Variants in CTNNA3 observed in about 807,000 individuals in gnomAD.
The protein encoded by CTNNA3 is catenin alpha-3.
In CTNNA3, 76 loss-of-function variants were observed where a neutral mutation model predicts 95.7. The ratio of observed to expected loss-of-function variants is 0.79; its 90% CI spans 0.66 to 0.96. The LOEUF is 0.96. CTNNA3 is among the 40% of genes least tolerant of loss of function. The pLI is 0.00. For missense variants in CTNNA3, 1,191 were observed against 1,089.8 expected, an observed-to-expected ratio of 1.09 and a Z score of -1.31; for synonymous variants, 431 against 374.4, an observed-to-expected ratio of 1.15 and a Z score of -1.74.
chr10:66,025,526 A>G (rs1333328721), intron 15 of CTNNA3, among the ~76,000 whole-genome samples: 1 of 152,204 alleles, frequency 6.6e-6, no homozygotes, highest in African/African-American at 2.4e-5. Context: ...ATAAATTCAG[A>G]TAAATGTGTT....
chr10:66,475,378 T>C (rs1474473606), intron 11 of CTNNA3, among the ~76,000 whole-genome samples: 4 of 152,062 alleles, frequency 2.6e-5, no homozygotes, highest in Non-Finnish European at 5.9e-5. Flanking sequence ...TCTTGTACAT[T>C]TGTTTAAGTT....
At chr10:66,770,980 T>C (rs1840064781) in intron 8 of CTNNA3, among the ~76,000 whole-genome samples, 1 of 152,146 alleles carries the variant, frequency 6.6e-6, no homozygotes, top group Non-Finnish European at 1.5e-5. Flanking sequence ...GTATGTACTA[T>C]GTAAGTTTAG....
At chr10:67,316,565 C>T (rs1175740224) in intron 5 of CTNNA3, among the ~76,000 whole-genome samples, 1 of 152,082 alleles carries the variant, frequency 6.6e-6, no homozygotes, top group Non-Finnish European at 1.5e-5. Context: ...TTGGGTATGA[C>T]ATTGATCTCA....
chr10:67,346,686 C>T (rs372685003), intron 5 of CTNNA3: 21 of 510,932 alleles, frequency 4.1e-5, no homozygotes, highest in African/African-American at 5.8e-5. Flanking sequence ...AATCTCGTGG[C>T]GATAGATGAG....
At chr10:66,771,556 C>T (rs943353195) in intron 8 of CTNNA3, among the ~76,000 whole-genome samples, 20 of 152,068 alleles carry the variant, frequency 1.3e-4, no homozygotes, top group Non-Finnish European at 2.5e-4. Flanking sequence ...GTGAATAGGC[C>T]ATAATCCCTA....
At chr10:67,657,859 A>AG (rs1423044445) in intron 1 of CTNNA3, among the ~76,000 whole-genome samples, 1 of 150,698 alleles carries the variant, frequency 6.6e-6, no homozygotes, top group Non-Finnish European at 1.5e-5. Flanking sequence ...AAAAAAAAAA[A>AG]AAAAAAAAAA....
At chr10:66,934,341 T>A (rs1355938502) in intron 7 of CTNNA3, among the ~76,000 whole-genome samples, 1 of 152,114 alleles carries the variant, frequency 6.6e-6, no homozygotes, top group Admixed American at 6.6e-5. Flanking sequence ...TCTTAAATTG[T>A]TCTCCTTATT....
intron 12 of CTNNA3, among the ~76,000 whole-genome samples, chr10:66,294,676 A>C (rs937943415): frequency 6.6e-6 from 1 of 152,182 alleles, no homozygotes; most frequent in Non-Finnish European, 1.5e-5. Context: ...TCACGATTTT[A>C]TTGCTGATTA....
At chr10:66,084,154 A>AAAAAAAAAAAAAAAAAAAAAAAAAG (rs1564627073) in intron 14 of CTNNA3, among the ~76,000 whole-genome samples, 3 of 141,386 alleles carry the variant, frequency 2.1e-5, no homozygotes, top group Non-Finnish European at 4.6e-5. Flanking sequence ...AAAAGAAAAA[A>AAAAAAAAAAAAAAAAAAAAAAAAAG]AAAGAAAAAG....
chr10:66,313,333 T>A (rs751937309), intron 12 of CTNNA3, among the ~76,000 whole-genome samples: 7 of 152,188 alleles, frequency 4.6e-5, no homozygotes, highest in Non-Finnish European at 1.0e-4. Context: ...TGGGGGAGGA[T>A]TAAATGAGAG....
At chr10:66,749,200 C>T (rs1370764562) in intron 9 of CTNNA3, among the ~76,000 whole-genome samples, 1 of 14,748 alleles carries the variant, frequency 6.8e-5, no homozygotes, top group Non-Finnish European at 1.2e-4. Flanking sequence ...GAAACTCCAA[C>T]TCAAAAAAAA....
intron 9 of CTNNA3, among the ~76,000 whole-genome samples, chr10:66,753,682 T>A (rs1163473408): frequency 2.0e-5 from 3 of 150,606 alleles, no homozygotes; most frequent in East Asian, 2.0e-4. Flanking sequence ...AGAAAATATA[T>A]ATATATATAC....
At chr10:67,603,688 A>C (rs190793192) in intron 3 of CTNNA3, among the ~76,000 whole-genome samples, 5 of 152,266 alleles carry the variant, frequency 3.3e-5, no homozygotes, top group Non-Finnish European at 7.4e-5. Context: ...GCAGCTGTAC[A>C]ATGTGTTTTA....
intron 7 of CTNNA3, among the ~76,000 whole-genome samples, chr10:66,840,368 TCTCTCACACAC>T (rs1843021215): frequency 1.2e-5 from 1 of 80,274 alleles, no homozygotes; most frequent in African/African-American, 9.0e-5. Flanking sequence ...TCTCTCTCTC[TCTCTCACACAC>T]ACACACACAC....
intron 11 of CTNNA3, among the ~76,000 whole-genome samples, chr10:66,407,985 A>C (rs1268942878): frequency 6.6e-6 from 1 of 152,230 alleles, no homozygotes; most frequent in Non-Finnish European, 1.5e-5. Flanking sequence ...CTACAACCCC[A>C]ACGGATATCA....
chr10:66,303,806 G>C (rs534392326), intron 12 of CTNNA3, among the ~76,000 whole-genome samples: 16 of 152,156 alleles, frequency 1.1e-4, no homozygotes, highest in African/African-American at 3.6e-4. Context: ...TGTTAGCCAG[G>C]ATGGTCTTGA....
chr10:66,639,647 T>C (rs1323214984), intron 9 of CTNNA3, among the ~76,000 whole-genome samples: 1 of 152,106 alleles, frequency 6.6e-6, no homozygotes, highest in African/African-American at 2.4e-5. Flanking sequence ...CTCCACTCTT[T>C]CATATTCTCC....
At chr10:66,449,051 T>C (rs1022173271) in intron 11 of CTNNA3, among the ~76,000 whole-genome samples, 2 of 151,760 alleles carry the variant, frequency 1.3e-5, no homozygotes, top group Non-Finnish European at 2.9e-5. Context: ...TAGAAAGTAA[T>C]GAAGAAATAA....
chr10:67,488,666 C>T (rs1408084527), intron 5 of CTNNA3, among the ~76,000 whole-genome samples: 6 of 135,910 alleles, frequency 4.4e-5, no homozygotes, highest in Non-Finnish European at 9.0e-5. Context: ...CCAAAGTGCC[C>T]GGCCTCTTTT....
Sources: allele counts gnomAD v4.1 joint callset (sites outside exome capture counted in the v4.1 genomes callset), GRCh38; gene constraint gnomAD v4.1.1; transcripts MANE v1.5; gene names NCBI Gene and HGNC (gene_info 2026-07-23, HGNC 2026-07-21).